MINDY2: variants seen among roughly 807,000 people sequenced by gnomAD.
MINDY2 encodes MINDY lysine 48 deubiquitinase 2.
Under a neutral mutation model 68.2 loss-of-function variants are expected in MINDY2, and 52 were observed. The observed-to-expected ratio is 0.76, with a 90% confidence interval of 0.61 to 0.96. MINDY2 has a LOEUF of 0.96. Among genes scored for constraint, MINDY2 ranks in the 40% least tolerant of loss-of-function variants. The probability of loss-of-function intolerance (pLI) is 0.00; values close to 1 mark genes in which losing one functional copy is unlikely to be tolerated. For synonymous variants in MINDY2, 372 were observed against 303.0 expected (o/e 1.23, Z -2.36); for missense variants, 881 against 773.4 (o/e 1.14, Z -1.65).
chr15:58,779,934 T>C (rs1901025711), intron 1 of MINDY2, among the ~76,000 whole-genome samples: 1 of 152,192 alleles, frequency 6.6e-6, no homozygotes, highest in Non-Finnish European at 1.5e-5. Context: ...TGAAGGACAT[T>C]TGGGCCCAGG....
chr15:58,852,407 CGTT>C (rs1293475527), intron 8 of MINDY2, among the ~76,000 whole-genome samples: 2 of 151,006 alleles, frequency 1.3e-5, no homozygotes, highest in Admixed American at 1.3e-4. Flanking sequence ...GGTTTTATGA[CGTT>C]GTCCTAAGCT....
intron 1 of MINDY2, among the ~76,000 whole-genome samples, chr15:58,783,688 C>T (rs978740607): frequency 1.3e-5 from 2 of 152,170 alleles, no homozygotes; most frequent in Non-Finnish European, 1.5e-5. Context: ...AATCCCAGCA[C>T]TTCAGGAGGC....
chr15:58,826,409 A>G (rs570497364), intron 5 of MINDY2, among the ~76,000 whole-genome samples: 2 of 151,988 alleles, frequency 1.3e-5, no homozygotes, highest in Middle Eastern at 3.4e-3. Flanking sequence ...TTGTATTTTT[A>G]GTAGAGATGG....
At chr15:58,822,345 G>A (rs2031117703) in intron 5 of MINDY2, among the ~76,000 whole-genome samples, 1 of 152,022 alleles carries the variant, frequency 6.6e-6, no homozygotes, top group African/African-American at 2.4e-5. Context: ...GTAAAATCAG[G>A]CCTGGATTCT....
intron 5 of MINDY2, among the ~76,000 whole-genome samples, chr15:58,826,246 T>G (rs1478029883): frequency 1.3e-5 from 2 of 148,226 alleles, no homozygotes; most frequent in African/African-American, 5.0e-5. Context: ...TTTTTTTTTT[T>G]GAGATGGAGT....
intron 1 of MINDY2, among the ~76,000 whole-genome samples, chr15:58,777,276 G>T (rs1900830957): frequency 6.6e-6 from 1 of 152,184 alleles, no homozygotes; most frequent in African/African-American, 2.4e-5. Flanking sequence ...TAGGGGCAGA[G>T]AATTAGAGAA....
rs201818932 is a variant in MINDY2 at position 58,802,295 on chromosome 15, CTTTT to C, written c.899-8_899-5del. 3.1e-6 allele frequency: 4 copies of C among 1,305,560 alleles called. No homozygotes were observed. The highest frequency in any genetic ancestry group is 1.4e-5 in the South Asian group (1 of 71,550). The allele number at this position is 1,305,560 out of a possible 1,614,324, so 80.9% of individuals were successfully genotyped here. On this transcript the variant is annotated splice_polypyrimidine_tract_variant and intron_variant, in intron 2 of 8. Coordinates refer to ENST00000559228, the MANE Select transcript of MINDY2 (RefSeq NM_001040450.3). The stretch of plus-strand genomic sequence containing the variant: ...GTTTTTAAAAGGCAATTTTACAATT[CTTTT>C]TTTTTTTTTACAGGAGATTACATGC...
At chr15:58,843,636 C>A (rs1222561048) in intron 6 of MINDY2, among the ~76,000 whole-genome samples, 1 of 151,932 alleles carries the variant, frequency 6.6e-6, no homozygotes, top group Admixed American at 6.6e-5. Flanking sequence ...GAGTTCGAGA[C>A]CAGCCTGACC....
chr15:58,795,044 C>T (rs1401901760), intron 2 of MINDY2, among the ~76,000 whole-genome samples: 7 of 151,956 alleles, frequency 4.6e-5, no homozygotes, highest in Admixed American at 6.6e-5. Flanking sequence ...GGCGTGGTGG[C>T]GGGCGCCTGT....
intron 4 of MINDY2, chr15:58,815,717 C>CT (rs1245277715): frequency 6.6e-6 from 1 of 151,826 alleles, no homozygotes; most frequent in Non-Finnish European, 1.5e-5. Context: ...GAGTCTCACT[C>CT]TGTCGCCAGG....
Position 58,772,186 on chromosome 15 carries a change from G to C in MINDY2, c.791G>C (p.Gly264Ala), listed in dbSNP as rs1900476236. 1 of 1,613,640 alleles carries C rather than the reference G, an allele frequency of 6.2e-7. No individual in the cohort carries two copies. Among genetic ancestry groups the C allele is most frequent in the Non-Finnish European group, 8.5e-7 (1 of 1,180,042 alleles). Residue 264 changes from glycine to alanine, a missense_variant, in exon 1 of 9, where the codon GGA (glycine) becomes GCA (alanine). By Grantham distance (60) the Gly-to-Ala change is moderately conservative. Coordinates refer to ENST00000559228, the MANE Select transcript of MINDY2 (RefSeq NM_001040450.3). ...CCCATCATCACCCAGAATGAGAACG[G>C]ACCCTGCCCCTTGCTGGCCATCCTC... is the stretch of plus-strand genomic sequence containing the variant. ...NTPIITQNENGPCPLLAILNV... is the reference protein window; with the variant it reads ...NTPIITQNENAPCPLLAILNV...
At chr15:58,808,154 C>T (rs2029945425) in intron 3 of MINDY2, among the ~76,000 whole-genome samples, 2 of 152,124 alleles carry the variant, frequency 1.3e-5, no homozygotes, top group Non-Finnish European at 2.9e-5. Context: ...ATACACACAG[C>T]TTCCCCCACT....
chr15:58,847,171 A>G, intron 6 of MINDY2, 126 bp from the exon 7 acceptor site: 1 of 678,244 alleles, frequency 1.5e-6, no homozygotes, highest in Middle Eastern at 3.8e-4. Flanking sequence ...ATTGTGTTGT[A>G]CAGATCTAAA....
chr15:58,771,803 C>G lies in MINDY2; in HGVS notation c.408C>G (p.Ala136=), dbSNP rs1349516054. The part of the protein sequence containing the change: ...AGDAGARPDL[A]GTCQAELTAA... ...ACGCGGGAGCCCGCCCGGATCTCGC[C>G]GGCACCTGCCAAGCAGAACTGACCG... Residue 136 remains alanine, a synonymous_variant, in exon 1 of 9, where the codon GCC becomes GCG. Coordinates refer to ENST00000559228, the MANE Select transcript of MINDY2 (RefSeq NM_001040450.3). The G allele has an allele frequency of 1.2e-6, 2 of 1,609,826 alleles. No homozygotes were observed. The highest frequency in any genetic ancestry group is 1.7e-4 in the Middle Eastern group (1 of 5,964).
chr15:58,796,928 T>C (rs1902323928), intron 2 of MINDY2, among the ~76,000 whole-genome samples: 1 of 152,218 alleles, frequency 6.6e-6, no homozygotes, highest in Non-Finnish European at 1.5e-5. Flanking sequence ...CTACTTTCCT[T>C]GTTCTCAGAT....
At chr15:58,796,184 G>T (rs1190718050) in intron 2 of MINDY2, 4 of 454,724 alleles carry the variant, frequency 8.8e-6, no homozygotes, top group Admixed American at 2.4e-5. Flanking sequence ...GTAGGAAAAG[G>T]CTTAATGGAG....
intron 5 of MINDY2, among the ~76,000 whole-genome samples, chr15:58,824,782 G>C (rs1266120418): frequency 4.4e-5 from 6 of 137,060 alleles, no homozygotes; most frequent in Non-Finnish European, 6.2e-5. Context: ...CAATTCTCCT[G>C]CCTCAGCCTC....
At chr15:58,815,936 C>T (rs1249903340) in intron 4 of MINDY2, among the ~76,000 whole-genome samples, 4 of 152,122 alleles carry the variant, frequency 2.6e-5, no homozygotes, top group Admixed American at 2.6e-4. Flanking sequence ...CCTCGGCCTC[C>T]CAAAGTGCTG....
chr15:58,838,919 C>T (rs1262946234), intron 6 of MINDY2, among the ~76,000 whole-genome samples: 1 of 151,802 alleles, frequency 6.6e-6, no homozygotes, highest in African/African-American at 2.4e-5. Flanking sequence ...CTTTATGCTT[C>T]TAAGTATTCA....
Sources: gnomAD v4.1 joint callset for allele counts (sites outside exome capture counted in the v4.1 genomes callset) on GRCh38, gnomAD v4.1.1 for gene constraint, MANE v1.5 for transcripts, NCBI Gene and HGNC (gene_info 2026-07-23, HGNC 2026-07-21) for gene names.